Variants in CEACAM18 observed in about 807,000 individuals in gnomAD.
The protein encoded by CEACAM18 is CEA cell adhesion molecule 18.
In CEACAM18, 33 loss-of-function variants were observed where a neutral mutation model predicts 34.3. The observed-to-expected ratio is 0.96, with a 90% CI of 0.73 to 1.29. The LOEUF is 1.29. CEACAM18 is among the 50% of genes most tolerant of loss of function. The pLI is 0.00. For missense variants in CEACAM18, 474 were observed against 485.0 expected (o/e 0.98, Z 0.21); for synonymous variants, 169 against 180.9 (o/e 0.93, Z 0.53).
intron 5 of CEACAM18, among the ~76,000 whole-genome samples, chr19:51,487,382 G>T (rs1347517545): frequency 1.3e-5 from 2 of 152,114 alleles, no homozygotes; most frequent in Non-Finnish European, 2.9e-5. Context: ...GGCTGAGGTG[G>T]GAGGATCTCT....
exon 3 of CEACAM18, chr19:51,481,578 A>C: frequency 6.2e-7 from 1 of 1,614,042 alleles, no homozygotes; most frequent in Non-Finnish European, 8.5e-7. Context: ...CCTCAGGGTC[A>C]GCCGCTATGA....
chr19:51,484,232 T>A (rs1989964143), intron 4 of CEACAM18, among the ~76,000 whole-genome samples: 1 of 152,076 alleles, frequency 6.6e-6, no homozygotes, highest in South Asian at 2.1e-4. Flanking sequence ...CCAGACACGA[T>A]GTGTGCATGC....
chr19:51,483,150 C>A, exon 4 of CEACAM18: 11 of 1,614,052 alleles, frequency 6.8e-6, no homozygotes, highest in Non-Finnish European at 7.6e-6. Context: ...ACTGGATCCA[C>A]AATGGCTCCC....
chr19:51,486,710 C>CTTTTTTTTTTTTTTTTTTTTTTTTT (rs1327201659), intron 5 of CEACAM18, among the ~76,000 whole-genome samples: 1 of 144,436 alleles, frequency 6.9e-6, no homozygotes, highest in Non-Finnish European at 1.5e-5. Flanking sequence ...TTCTTTCTTT[C>CTTTTTTTTTTTTTTTTTTTTTTTTT]TTTCTTTTCT....
exon 4 of CEACAM18, chr19:51,483,274 G>A (rs371813587): frequency 2.8e-5 from 45 of 1,613,856 alleles, no homozygotes; most frequent in East Asian, 1.1e-4. Context: ...GTACATGGAC[G>A]TCAGGATCCA....
exon 4 of CEACAM18, chr19:51,483,137 A>G: frequency 6.2e-7 from 1 of 1,613,942 alleles, no homozygotes; most frequent in Non-Finnish European, 8.5e-7. Flanking sequence ...GATCTCAAGT[A>G]CCACTGGATC....
exon 4 of CEACAM18, chr19:51,483,053 A>C (rs375801444): frequency 1.2e-6 from 2 of 1,613,912 alleles, no homozygotes; most frequent in Admixed American, 1.7e-5. Flanking sequence ...AGCAATCCTG[A>C]TGATTTCAAC....
exon 4 of CEACAM18, chr19:51,483,123 C>T: frequency 6.2e-7 from 1 of 1,614,018 alleles, no homozygotes; most frequent in Non-Finnish European, 8.5e-7. Flanking sequence ...GCTATTCCTT[C>T]CTGGATCTCA....
chr19:51,481,326 G>A, intron 2 of CEACAM18, 67 bp from the exon 3 acceptor site: 1 of 1,047,450 alleles, frequency 9.5e-7, no homozygotes, highest in Non-Finnish European at 1.3e-6. Context: ...GAAGTCCCCT[G>A]GAGAGGAGCA....
At chr19:51,478,677 G>C in exon 1 of CEACAM18, 2 of 1,477,236 alleles carry the variant, frequency 1.4e-6, no homozygotes, top group Non-Finnish European at 1.8e-6. Flanking sequence ...AGCCTGTGGA[G>C]GAGGGTCTTC....
chr19:51,485,759 T>C (rs73558851), intron 5 of CEACAM18, among the ~76,000 whole-genome samples: 4,945 of 152,292 alleles, frequency 0.032, 157 homozygotes, highest in African/African-American at 0.08. Context: ...ACTATCAGCA[T>C]TGGGACCATA....
At chr19:51,491,170 A>T (rs1355151755), downstream of CEACAM18, among the ~76,000 whole-genome samples, 1 of 151,706 alleles carries the variant, frequency 6.6e-6, no homozygotes, top group Non-Finnish European at 1.5e-5. Flanking sequence ...CCGTGGAACC[A>T]TCGTCAGCAT....
chr19:51,482,933 A>G lies in CEACAM18; in HGVS notation c.674-84A>G. On this transcript the variant is annotated intron_variant, in intron 3 of 5. Transcript: ENST00000396477. ...GTTAGCCCGAGGTGCACAATGGGGA[A>G]CCTCCTGGCTGGGGGAGGACTTCAT... The G allele has an allele frequency of 4.6e-6, 7 of 1,527,460 alleles. No homozygotes were observed. The Admixed American group carries it at 5.2e-5, about 11-fold the overall frequency. 94.6% of individuals were successfully genotyped at this position (1,527,460 alleles called of 1,614,324 possible).
chr19:51,481,650 T>C, exon 3 of CEACAM18: 1 of 1,612,082 alleles, frequency 6.2e-7, no homozygotes, highest in Non-Finnish European at 8.5e-7. Context: ...TGAACGCATC[T>C]CTCTGACTGT....
intron 5 of CEACAM18, among the ~76,000 whole-genome samples, chr19:51,487,492 C>T (rs2122192585): frequency 6.6e-6 from 1 of 151,888 alleles, no homozygotes; most frequent in South Asian, 2.1e-4. Context: ...ATAGGCCAGG[C>T]ACAGTGGCTG....
chr19:51,482,508 C>T (rs1268519333), intron 3 of CEACAM18, among the ~76,000 whole-genome samples: 1 of 152,160 alleles, frequency 6.6e-6, no homozygotes, highest in African/African-American at 2.4e-5. Flanking sequence ...CAGCTGTTTA[C>T]AGGTCAGAGG....
Position 51,480,311 on chromosome 19 carries a change from CT to C in CEACAM18, c.53-16del, listed in dbSNP as rs781363924. 52 of 1,550,838 alleles carry C rather than the reference CT, an allele frequency of 3.4e-5. No homozygotes were observed. In the African/African-American group the frequency reaches 7.0e-4, roughly 21 times the overall value. ...AATCTCTTTGTGAATTTCTCTCTGT[CT>C]TTTTTCCTTGTCTTCTTCAGCCAGT... On this transcript the variant is annotated intron_variant, in intron 1 of 5. Coordinates refer to ENST00000396477, the Ensembl canonical transcript of CEACAM18.
intron 2 of CEACAM18, 34 bp from the exon 3 acceptor site, chr19:51,481,359 C>G: frequency 6.2e-7 from 1 of 1,602,470 alleles, no homozygotes; most frequent in Non-Finnish European, 8.5e-7. Context: ...GCAGACCCCA[C>G]TTGTAATTTT....
At position 51,485,142 on chromosome 19, in the gene CEACAM18, A is replaced by T; in HGVS notation, c.1089+20A>T. 1 of 1,486,994 alleles carries T rather than the reference A, an allele frequency of 6.7e-7. No individual in the cohort carries two copies. Among genetic ancestry groups the T allele is most frequent in the Non-Finnish European group, 8.9e-7 (1 of 1,120,522 alleles). The allele number at this position is 1,486,994 out of a possible 1,614,324, so 92.1% of individuals were successfully genotyped here. A position where few individuals can be genotyped will look rare whatever the true frequency, so the allele number is the denominator to read the frequency against. ...AATCAGGTGCCCTCATTGCTCTGGG[A>T]CAAGGGTGGGATGTTGGCTGGGGGC... On this transcript the variant is annotated intron_variant, in intron 5 of 5. Transcript: ENST00000396477.
Sources: allele counts gnomAD v4.1 joint callset (sites outside exome capture counted in the v4.1 genomes callset), GRCh38; gene constraint gnomAD v4.1.1; transcripts MANE v1.5; gene names NCBI Gene and HGNC (gene_info 2026-07-23, HGNC 2026-07-21).